The following PEX26 variants were observed in gnomAD, a reference collection of about 807,000 sequenced individuals.
The protein encoded by PEX26 is peroxisomal biogenesis factor 26, also known as peroxisome assembly protein 26.
PEX26 carries 18 observed loss-of-function variants against 31.4 expected under a neutral mutation model. That is an observed-to-expected ratio of 0.57 (90% confidence interval 0.40 to 0.85). The LOEUF (loss-of-function observed/expected upper bound fraction) is 0.85, where lower values mean the gene tolerates loss of function less well. Among genes scored for constraint, PEX26 ranks in the 40% least tolerant of loss-of-function variants. PEX26 has a pLI of 0.00. For synonymous variants in PEX26, 176 were observed against 166.9 expected (o/e 1.05, Z -0.42); for missense variants, 377 against 383.9 (o/e 0.98, Z 0.15).
rs1330103827 is a variant in PEX26 at position 18,095,803 on chromosome 22, C to G, written c.*7728C>G. ...GGGATTGTGGTTAAGAGTGTGGGTC[C>G]CAGACCCATAATGCCCAAGTTTGTA... On this transcript the variant is annotated 3_prime_UTR_variant, in exon 5 of 5. Transcript: ENST00000399744. 6.7e-6 allele frequency: 1 copy of G among 149,924 alleles called. No individual in the cohort carries two copies. The highest frequency in any genetic ancestry group is 2.5e-5 in the African/African-American group (1 of 40,554). 9.3% of individuals were successfully genotyped at this position (149,924 alleles called of 1,614,324 possible).
At position 18,105,373 on chromosome 22, in the gene PEX26, G is replaced by A. The variant is rs776673177; in HGVS notation, c.*17298G>A. On this transcript the variant is annotated 3_prime_UTR_variant, in exon 5 of 5. Transcript: ENST00000399744. Reference sequence around the variant, plus strand: ...GTTTCTGATTCTTCATTTGTAAAATGAGGATAATAAAAATTTAACTTCAGA... The same window carrying A: ...GTTTCTGATTCTTCATTTGTAAAATAAGGATAATAAAAATTTAACTTCAGA... The A allele has an allele frequency of 3.3e-5, 5 of 152,192 alleles. No homozygotes were observed. The allele number at this position is 152,192 out of a possible 1,614,324, so 9.4% of individuals were successfully genotyped here.
Position 18,084,237 on chromosome 22 carries a change from C to CTTTTTTTTTTT in PEX26, c.667+516_667+526dup, listed in dbSNP as rs362041. ...GGACAGAAAGTCACCATCTCTCTCT[C>CTTTTTTTTTTT]TTTTTTTTTTTTTTTTTTTTTGTTT... On this transcript the variant is annotated intron_variant, in intron 3 of 4. Coordinates refer to ENST00000399744, the MANE Select transcript of PEX26 (RefSeq NM_001127649.3). Among the ~76,000 whole-genome samples the CTTTTTTTTTTT allele has an allele frequency of 8.4e-5, 8 of 95,320 alleles. 1 individual carries two copies. The highest frequency in any genetic ancestry group is 1.2e-4 in the African/African-American group (3 of 25,630). The allele number at this position is 95,320 out of a possible 152,430, so 62.5% of individuals were successfully genotyped here. A position where few individuals can be genotyped will look rare whatever the true frequency, so the allele number is the denominator to read the frequency against.
At position 18,088,249 on chromosome 22, in the gene PEX26, C is replaced by T. The variant is rs528762179; in HGVS notation, c.*174C>T. 139 of 701,584 alleles carry T rather than the reference C, an allele frequency of 2.0e-4. No individual in the cohort carries two copies. The highest frequency in any genetic ancestry group is 1.8e-3 in the East Asian group (67 of 37,218). The allele number at this position is 701,584 out of a possible 1,614,324, so 43.5% of individuals were successfully genotyped here. On this transcript the variant is annotated 3_prime_UTR_variant, in exon 5 of 5. Transcript: ENST00000399744. This position sits in a 1 kb window ranked among gnomAD's most constrained non-coding sequence, Gnocchi z 4.1. Reference sequence around the variant, plus strand: ...TCCTTTGCACCCTACTTCGGCTGGTCGCGGTAGATGATGTGGAAACAAAGC... The same window carrying T: ...TCCTTTGCACCCTACTTCGGCTGGTTGCGGTAGATGATGTGGAAACAAAGC...
At position 18,078,081 on chromosome 22, in the gene PEX26, T is replaced by G. The variant is rs1023035669; in HGVS notation, c.-296T>G. Reference sequence around the variant, plus strand: ...TTGATCGTAACCAGGAGCCCGGAGCTGAGGCAGTTCCTGCACGTGTCGCGG... The same window carrying G: ...TTGATCGTAACCAGGAGCCCGGAGCGGAGGCAGTTCCTGCACGTGTCGCGG... On this transcript the variant is annotated 5_prime_UTR_variant, in exon 1 of 5. Transcript: ENST00000399744. The G allele has an allele frequency of 4.7e-5, 27 of 578,294 alleles. No individual in the cohort carries two copies. The African/African-American group carries it at 4.8e-4, about 10-fold the overall frequency. 35.8% of individuals were successfully genotyped at this position (578,294 alleles called of 1,614,324 possible).
Position 18,084,706 on chromosome 22 carries a change from T to C in PEX26, c.668-406T>C, listed in dbSNP as rs368244420. Among the ~76,000 whole-genome samples, 248 of 152,074 alleles carry C rather than the reference T, an allele frequency of 1.6e-3. 2 individuals are homozygous for C. The highest frequency in any genetic ancestry group is 5.6e-3 in the African/African-American group (234 of 41,506). ...AATGAAGGCTTTAGCCAATACCTAA[T>C]ACCCTTTTACTAAACTCTTTTTTTT... On this transcript the variant is annotated intron_variant, in intron 3 of 4. Coordinates refer to ENST00000399744, the MANE Select transcript of PEX26 (RefSeq NM_001127649.3).
Position 18,099,532 on chromosome 22 carries a change from T to G in PEX26, c.*11457T>G, listed in dbSNP as rs533666024. On this transcript the variant is annotated 3_prime_UTR_variant, in exon 5 of 5. Coordinates refer to ENST00000399744, the MANE Select transcript of PEX26 (RefSeq NM_001127649.3). ...TATTTTAAGCATATATCTACCAATT[T>G]GAGTTTGGCATTCTTTTTCATTTAA... is the stretch of plus-strand genomic sequence containing the variant. 1 of 152,356 alleles carries G rather than the reference T, an allele frequency of 6.6e-6. No homozygotes were observed. The highest frequency in any genetic ancestry group is 1.9e-4 in the East Asian group (1 of 5,188). The allele number at this position is 152,356 out of a possible 1,614,324, so 9.4% of individuals were successfully genotyped here.
At position 18,090,569 on chromosome 22, in the gene PEX26, TG is replaced by T. The variant is rs1214179881; in HGVS notation, c.*2495del. ...TTCTGTGGTCGTGACCCCATGGTCT[TG>T]TAATTGTGAACTTCTTTGCTGCCCC... On this transcript the variant is annotated 3_prime_UTR_variant, in exon 5 of 5. Transcript: ENST00000399744. 1 of 152,270 alleles carries T rather than the reference TG, an allele frequency of 6.6e-6. No homozygotes were observed. Among genetic ancestry groups the T allele is most frequent in the Non-Finnish European group, 1.5e-5 (1 of 68,078 alleles). 9.4% of individuals were successfully genotyped at this position (152,270 alleles called of 1,614,324 possible).
chr22:18,087,713 T>C (rs1926898130), intron 4 of PEX26, among the ~76,000 whole-genome samples: 1 of 152,064 alleles, frequency 6.6e-6, no homozygotes, highest in African/African-American at 2.4e-5. Context: ...GCCCGACTCA[T>C]TGGAGTGATG....
intron 4 of PEX26, among the ~76,000 whole-genome samples, chr22:18,085,611 C>CT (rs1241789710): frequency 3.9e-5 from 6 of 152,198 alleles, no homozygotes; most frequent in Non-Finnish European, 8.8e-5. Flanking sequence ...TGGCTCACGC[C>CT]TGTAATCCCA....
At chr22:18,079,791 G>A in intron 1 of PEX26, 83 bp from the exon 2 acceptor site, 2 of 1,492,844 alleles carry the variant, frequency 1.3e-6, no homozygotes, top group Non-Finnish European at 1.9e-6. Flanking sequence ...GTTGGGAGCT[G>A]GAGAGGAACA....
At chr22:18,084,328 T>C (rs968496198) in intron 3 of PEX26, among the ~76,000 whole-genome samples, 2 of 150,816 alleles carry the variant, frequency 1.3e-5, no homozygotes, top group African/African-American at 4.9e-5. Context: ...CACTGCAAGC[T>C]GCACCTCTCA....
In PEX26 at chr22:18,104,633, C is replaced by A; in HGVS notation, c.*16558C>A. ...GAGGTGAGTTTTCCTGAGTTCCCAG[C>A]CTCAGTGTTCTCTGCACAGTCTGTC... is the stretch of plus-strand genomic sequence containing the variant. On this transcript the variant is annotated 3_prime_UTR_variant, in exon 5 of 5. Coordinates refer to ENST00000399744, the MANE Select transcript of PEX26 (RefSeq NM_001127649.3). 1 of 152,354 alleles carries A rather than the reference C, an allele frequency of 6.6e-6. No homozygotes were observed. Among genetic ancestry groups the A allele is most frequent in the Non-Finnish European group, 1.5e-5 (1 of 68,076 alleles). The allele number at this position is 152,354 out of a possible 1,614,324, so 9.4% of individuals were successfully genotyped here. A position where few individuals can be genotyped will look rare whatever the true frequency, so the allele number is the denominator to read the frequency against.
chr22:18,078,961 A>C, intron 1 of PEX26: 1 of 411,584 alleles, frequency 2.4e-6, no homozygotes, highest in East Asian at 5.9e-5. Flanking sequence ...AAGGTTGTTT[A>C]TTCCTGACCT....
Position 18,093,687 on chromosome 22 carries a change from T to A in PEX26, c.*5612T>A, listed in dbSNP as rs1274343572. Reference sequence around the variant, plus strand: ...ATTGCAAGAATGCCCAACCCTCTGGTGTCTGATTGTGTATCTAGCAACATT... The same window carrying A: ...ATTGCAAGAATGCCCAACCCTCTGGAGTCTGATTGTGTATCTAGCAACATT... On this transcript the variant is annotated 3_prime_UTR_variant, in exon 5 of 5. Coordinates refer to ENST00000399744, the MANE Select transcript of PEX26 (RefSeq NM_001127649.3). The A allele has an allele frequency of 6.6e-6, 1 of 152,146 alleles. No homozygotes were observed. Among genetic ancestry groups the A allele is most frequent in the Admixed American group, 6.6e-5 (1 of 15,264 alleles). 9.4% of individuals were successfully genotyped at this position (152,146 alleles called of 1,614,324 possible).
Position 18,104,244 on chromosome 22 carries a change from A to G in PEX26, c.*16169A>G, listed in dbSNP as rs1423247348. 1 of 151,990 alleles carries G rather than the reference A, an allele frequency of 6.6e-6. No individual in the cohort carries two copies. The highest frequency in any genetic ancestry group is 1.5e-5 in the Non-Finnish European group (1 of 68,106). 9.4% of individuals were successfully genotyped at this position (151,990 alleles called of 1,614,324 possible). A position where few individuals can be genotyped will look rare whatever the true frequency, so the allele number is the denominator to read the frequency against. On this transcript the variant is annotated 3_prime_UTR_variant, in exon 5 of 5. Transcript: ENST00000399744. ...TTTTCTTTTTTTCGCTCTGTCGCCCATGCTGGAGTGCAATGGCGCGATCTC... is the reference window on the plus strand; with the variant it reads ...TTTTCTTTTTTTCGCTCTGTCGCCCGTGCTGGAGTGCAATGGCGCGATCTC...
At chr22:18,081,746 G>C (rs1926620505) in intron 2 of PEX26, 1 of 154,998 alleles carries the variant, frequency 6.5e-6, no homozygotes, top group Non-Finnish European at 1.4e-5. Context: ...TTACAAAAAG[G>C]AAGTGCCGTC....
rs766917354 is a variant in PEX26 at position 18,078,322 on chromosome 22, T to G, written c.-55T>G. On this transcript the variant is annotated 5_prime_UTR_variant, in exon 1 of 5. Transcript: ENST00000399744. Reference sequence around the variant, plus strand: ...CCAACTCGGGATATCCCGGAGCCTCTGGGGAGGCGGTCACTCCGACGTCTG... The same window carrying G: ...CCAACTCGGGATATCCCGGAGCCTCGGGGGAGGCGGTCACTCCGACGTCTG... The G allele has an allele frequency of 2.2e-4, 285 of 1,305,578 alleles. No individual in the cohort carries two copies. Among genetic ancestry groups the G allele is most frequent in the Non-Finnish European group, 1.3e-5 (12 of 918,528 alleles). 80.9% of individuals were successfully genotyped at this position (1,305,578 alleles called of 1,614,324 possible).
At position 18,094,591 on chromosome 22, in the gene PEX26, T is replaced by G. The variant is rs1927233956; in HGVS notation, c.*6516T>G. ...ACCGATTTGTATGGTCCTCAGAATG[T>G]AACCTACAGGTTCTTGCCCTCAGAA... On this transcript the variant is annotated 3_prime_UTR_variant, in exon 5 of 5. Coordinates refer to ENST00000399744, the MANE Select transcript of PEX26 (RefSeq NM_001127649.3). 6.6e-6 allele frequency: 1 copy of G among 152,232 alleles called. No homozygotes were observed. Among genetic ancestry groups the G allele is most frequent in the Non-Finnish European group, 1.5e-5 (1 of 68,050 alleles). The allele number at this position is 152,232 out of a possible 1,614,324, so 9.4% of individuals were successfully genotyped here. A position where few individuals can be genotyped will look rare whatever the true frequency, so the allele number is the denominator to read the frequency against.
Position 18,102,555 on chromosome 22 carries a change from C to T in PEX26, c.*14480C>T, listed in dbSNP as rs913180156. On this transcript the variant is annotated 3_prime_UTR_variant, in exon 5 of 5. Transcript: ENST00000399744. The stretch of plus-strand genomic sequence containing the variant: ...CTTAGGTCTAGTCCCCGGCCTATGG[C>T]ACCAAGTACTCCTGGTAGTACTTGT... 2 of 153,114 alleles carry T rather than the reference C, an allele frequency of 1.3e-5. No individual in the cohort carries two copies. Among genetic ancestry groups the T allele is most frequent in the Admixed American group, 6.6e-5 (1 of 15,264 alleles). 9.5% of individuals were successfully genotyped at this position (153,114 alleles called of 1,614,324 possible). A position where few individuals can be genotyped will look rare whatever the true frequency, so the allele number is the denominator to read the frequency against.
Sources: gnomAD v4.1 joint callset for allele counts (sites outside exome capture counted in the v4.1 genomes callset) on GRCh38, gnomAD v4.1.1 for gene constraint, Gnocchi (gnomAD v3.1) non-coding constraint, MANE v1.5 for transcripts, NCBI Gene and HGNC (gene_info 2026-07-23, HGNC 2026-07-21) for gene names.